The following XKR6 variants were observed in gnomAD, a reference collection of about 807,000 sequenced individuals.
XKR6 encodes XK-related protein 6.
In XKR6, 22 loss-of-function variants were observed where a neutral mutation model predicts 56.7. The observed-to-expected ratio is 0.39, with a 90% confidence interval of 0.28 to 0.55. The LOEUF (loss-of-function observed/expected upper bound fraction) is 0.55, where lower values mean the gene tolerates loss of function less well. Among genes scored for constraint, XKR6 ranks in the 20% least tolerant of loss-of-function variants. The probability of loss-of-function intolerance (pLI) is 0.66; values close to 1 mark genes in which losing one functional copy is unlikely to be tolerated. For missense variants in XKR6, 852 were observed against 889.0 expected (o/e 0.96, Z 0.53); for synonymous variants, 524 against 387.8 (o/e 1.35, Z -4.13).
chr8:11,197,732 A>T (rs971330277), intron 1 of XKR6, among the ~76,000 whole-genome samples: 13 of 152,256 alleles, frequency 8.5e-5, no homozygotes, highest in Non-Finnish European at 1.5e-4. Flanking sequence ...ATTTCAGCCC[A>T]GCCAAAATAT....
At chr8:11,165,765 A>G (rs1269757603) in intron 1 of XKR6, among the ~76,000 whole-genome samples, 2 of 152,118 alleles carry the variant, frequency 1.3e-5, no homozygotes, top group African/African-American at 2.4e-5. Flanking sequence ...TCTTGCATCA[A>G]AGAGCCTGAA....
intron 1 of XKR6, chr8:11,106,452 T>G (rs1343896254): frequency 1.3e-5 from 2 of 152,024 alleles, no homozygotes; most frequent in African/African-American, 4.8e-5. Flanking sequence ...AATATGGTGG[T>G]TGGAGGGAAG....
chr8:10,963,023 G>T (rs1403855135), intron 1 of XKR6, among the ~76,000 whole-genome samples: 1 of 152,130 alleles, frequency 6.6e-6, no homozygotes, highest in African/African-American at 2.4e-5. Context: ...GATCATTTCT[G>T]GTTCCCTGGC....
Position 10,920,308 on chromosome 8 carries a change from A to C in XKR6, c.961+4326T>G, listed in dbSNP as rs375047339. ...CAAGAAAACAGCCAGATATCTTACA[A>C]GGCACTTCACATTTGTCATGATGTT... On this transcript the variant is annotated intron_variant, in intron 2 of 2. Transcript: ENST00000416569. 3.3e-5 allele frequency among the ~76,000 whole-genome samples: 5 copies of C among 152,342 alleles called. No individual in the cohort carries two copies. In the East Asian group the frequency reaches 9.6e-4, roughly 29 times the overall value.
intron 1 of XKR6, among the ~76,000 whole-genome samples, chr8:11,067,423 C>T (rs28654478): frequency 0.25 from 38,509 of 152,120 alleles, 5,001 homozygotes; most frequent in Middle Eastern, 0.35. Context: ...CCCATTTGAA[C>T]ATCAAAAGGG....
In XKR6 at chr8:11,119,964, G is replaced by A. The variant is rs991162242; in HGVS notation, c.764+80612C>T. Among the ~76,000 whole-genome samples the A allele has an allele frequency of 6.6e-5, 10 of 152,212 alleles. No individual in the cohort carries two copies. The South Asian group carries it at 1.0e-3, about 16-fold the overall frequency. On this transcript the variant is annotated intron_variant, in intron 1 of 2. Coordinates refer to ENST00000416569, the MANE Select transcript of XKR6 (RefSeq NM_173683.4). ...TGATTATCTCAATAGATGCAGAAAA[G>A]GCCTTTGACAAAATTCAACAACGCT...
intron 1 of XKR6, among the ~76,000 whole-genome samples, chr8:11,147,546 C>T (rs1801047479): frequency 1.3e-5 from 2 of 151,546 alleles, no homozygotes; most frequent in Admixed American, 1.3e-4. Flanking sequence ...GTCCCAGCTA[C>T]TCAGGAGGCT....
intron 1 of XKR6, among the ~76,000 whole-genome samples, chr8:11,063,847 A>G (rs1799910037): frequency 6.6e-6 from 1 of 152,176 alleles, no homozygotes; most frequent in African/African-American, 2.4e-5. Context: ...AAATCTCCCC[A>G]TAGAGGCTAC....
At chr8:10,899,365 C>A (rs777262988) in intron 2 of XKR6, among the ~76,000 whole-genome samples, 1 of 152,194 alleles carries the variant, frequency 6.6e-6, no homozygotes, top group Non-Finnish European at 1.5e-5. Context: ...AAGGGTTTAC[C>A]CACCGCCCTG....
Position 10,897,468 on chromosome 8 carries a change from C to T in XKR6, c.*484G>A, listed in dbSNP as rs1230694448. The T allele has an allele frequency of 6.5e-6, 1 of 152,742 alleles. No individual in the cohort carries two copies. Among genetic ancestry groups the T allele is most frequent in the African/African-American group, 2.4e-5 (1 of 41,420 alleles). 9.5% of individuals were successfully genotyped at this position (152,742 alleles called of 1,614,324 possible). On this transcript the variant is annotated 3_prime_UTR_variant, in exon 3 of 3. Coordinates refer to ENST00000416569, the MANE Select transcript of XKR6 (RefSeq NM_173683.4). ...GAAAACGTGACAGTACTTAATGAAA[C>T]TCAGCACCTAAGGGCATAAGGCAGT...
intron 1 of XKR6, among the ~76,000 whole-genome samples, chr8:10,991,404 T>A (rs1045449282): frequency 6.6e-6 from 1 of 152,196 alleles, no homozygotes; most frequent in African/African-American, 2.4e-5. Context: ...AGCTCTTCCT[T>A]GCTTACTTGG....
chr8:10,992,490 GTCTCT>G (rs1798016565), intron 1 of XKR6, among the ~76,000 whole-genome samples: 1 of 152,104 alleles, frequency 6.6e-6, no homozygotes, highest in Non-Finnish European at 1.5e-5. Context: ...TCTAAACAAG[GTCTCT>G]ATTCCTTCAG....
intron 1 of XKR6, among the ~76,000 whole-genome samples, chr8:10,956,258 C>G (rs1387355789): frequency 6.6e-6 from 1 of 152,218 alleles, no homozygotes. Context: ...CCTCTGTGGC[C>G]TCCCTCACTC....
intron 1 of XKR6, among the ~76,000 whole-genome samples, chr8:11,142,475 G>T (rs1370750165): frequency 6.6e-6 from 1 of 152,174 alleles, no homozygotes; most frequent in Non-Finnish European, 1.5e-5. Flanking sequence ...GGTGCGGCCT[G>T]GTGGGAGGTG....
intron 1 of XKR6, among the ~76,000 whole-genome samples, chr8:11,188,148 T>G (rs1178183521): frequency 6.6e-6 from 1 of 152,104 alleles, no homozygotes; most frequent in African/African-American, 2.4e-5. Flanking sequence ...GATAGTGAGT[T>G]GAAATGCCAA....
chr8:11,146,773 A>G (rs1187289806), intron 1 of XKR6, among the ~76,000 whole-genome samples: 1 of 152,200 alleles, frequency 6.6e-6, no homozygotes, highest in African/African-American at 2.4e-5. Context: ...AACACACACA[A>G]TGAAAAAACA....
At chr8:11,095,104 G>A (rs527713286) in intron 1 of XKR6, among the ~76,000 whole-genome samples, 2 of 152,314 alleles carry the variant, frequency 1.3e-5, no homozygotes, top group Admixed American at 1.3e-4. Context: ...AATCTTTAAC[G>A]AGAAAGCCTG....
intron 1 of XKR6, among the ~76,000 whole-genome samples, chr8:10,999,927 T>C (rs1161146669): frequency 1.3e-5 from 2 of 152,280 alleles, no homozygotes; most frequent in African/African-American, 4.8e-5. Context: ...TAACAAAGGA[T>C]TAAGAGAAAT....
rs1439563558 is a variant in XKR6 at position 10,991,653 on chromosome 8, T to C, written c.765-66823A>G. ...GGTTTAAGCAGGGTTTTCTGTGGAC[T>C]TGAGTGGGCAATCAGTGGTTAACCT... On this transcript the variant is annotated intron_variant, in intron 1 of 2. Coordinates refer to ENST00000416569, the MANE Select transcript of XKR6 (RefSeq NM_173683.4). Among the ~76,000 whole-genome samples the C allele has an allele frequency of 2.6e-5, 4 of 152,196 alleles. No homozygotes were observed. The East Asian group carries it at 7.7e-4, about 29-fold the overall frequency.
Sources: gnomAD v4.1 joint callset for allele counts (sites outside exome capture counted in the v4.1 genomes callset) on GRCh38, gnomAD v4.1.1 for gene constraint, MANE v1.5 for transcripts, NCBI Gene and HGNC (gene_info 2026-07-23, HGNC 2026-07-21) for gene names.